The following GABRG2 variants were observed in gnomAD, a reference collection of about 807,000 sequenced individuals.
GABRG2 encodes the protein gamma-aminobutyric acid receptor subunit gamma-2.
Under a neutral mutation model 56.4 loss-of-function variants are expected in GABRG2, and 16 were observed. That is an observed-to-expected ratio of 0.28 (90% CI 0.19 to 0.43). The LOEUF is 0.43. Among genes scored for constraint, GABRG2 ranks in the 20% least tolerant of loss-of-function variants. The pLI is 1.00. For synonymous variants in GABRG2, 208 were observed against 205.5 expected (o/e 1.01, Z -0.10); for missense variants, 327 against 582.7 (o/e 0.56, Z 4.52).
Position 162,093,995 on chromosome 5 carries a change from T to C in GABRG2, c.259+16T>C, listed in dbSNP as rs750222277. On this transcript the variant is annotated intron_variant, in intron 2 of 9. Transcript: ENST00000639213. ...GATATAGGAGGTTTGTTAAAGTCTT[T>C]TGCGTTGTGCTATAGATAGGAGCAC... is the stretch of plus-strand genomic sequence containing the variant. 1 of 1,612,808 alleles carries C rather than the reference T, an allele frequency of 6.2e-7. No individual in the cohort carries two copies. The highest frequency in any genetic ancestry group is 8.5e-7 in the Non-Finnish European group (1 of 1,179,146).
intron 6 of GABRG2, among the ~76,000 whole-genome samples, chr5:162,109,389 A>AATACATATATAT (rs1762078615): frequency 8.6e-6 from 1 of 116,266 alleles, no homozygotes; most frequent in African/African-American, 3.8e-5. Context: ...CTTAAAGTAT[A>AATACATATATAT]ATATATATAT....
intron 1 of GABRG2, among the ~76,000 whole-genome samples, chr5:162,072,154 C>G (rs907242632): frequency 6.6e-6 from 1 of 151,934 alleles, no homozygotes; most frequent in Non-Finnish European, 1.5e-5. Flanking sequence ...ATAGAGGTCT[C>G]TGTTCTATAC....
At chr5:162,101,674 G>A in intron 5 of GABRG2, 1 of 280,642 alleles carries the variant, frequency 3.6e-6, no homozygotes, top group Non-Finnish European at 6.9e-6. Flanking sequence ...TCTCTCCTAT[G>A]GGCCTAGGAA....
chr5:162,098,015 T>G (rs1761127603), intron 4 of GABRG2, 157 bp downstream of exon 4: 1 of 649,010 alleles, frequency 1.5e-6, no homozygotes, highest in East Asian at 2.7e-5. Context: ...CATCAAAACA[T>G]TAGTTTTTTC....
chr5:162,097,950 AGG>A, intron 4 of GABRG2, 92 bp downstream of exon 4: 6 of 1,097,144 alleles, frequency 5.5e-6, no homozygotes, highest in Non-Finnish European at 8.2e-6. Flanking sequence ...AAAAAAAAAA[AGG>A]AAATAAATTT....
intron 1 of GABRG2, among the ~76,000 whole-genome samples, chr5:162,084,020 C>A (rs1358417761): frequency 4.6e-5 from 7 of 151,634 alleles, no homozygotes; most frequent in Non-Finnish European, 1.0e-4. Flanking sequence ...TTCAATGGTA[C>A]CAGAACAATG....
Position 162,153,527 on chromosome 5 carries a change from C to T in GABRG2, c.*159C>T. ...ATTTTATAATGTCATATTGTTTGTGCCCAGCCCTCCTTTGGTTAGTGTACT... is the reference window on the plus strand; with the variant it reads ...ATTTTATAATGTCATATTGTTTGTGTCCAGCCCTCCTTTGGTTAGTGTACT... On this transcript the variant is annotated 3_prime_UTR_variant, in exon 10 of 10. Transcript: ENST00000639213. The T allele has an allele frequency of 2.2e-6, 2 of 895,606 alleles. No homozygotes were observed. The highest frequency in any genetic ancestry group is 2.5e-5 in the East Asian group (1 of 40,760). The allele number at this position is 895,606 out of a possible 1,614,324, so 55.5% of individuals were successfully genotyped here. A position where few individuals can be genotyped will look rare whatever the true frequency, so the allele number is the denominator to read the frequency against.
In GABRG2 at chr5:162,069,716, G is replaced by A. The variant is rs369846399; in HGVS notation, c.107+1610G>A. ...AGTAGCTTTCTCAGAATATGAGAGG[G>A]CCTTTTACTGGAAACAGTCTTATAT... On this transcript the variant is annotated intron_variant, in intron 1 of 9. Coordinates refer to ENST00000639213, the MANE Select transcript of GABRG2 (RefSeq NM_198904.4). 3.3e-5 allele frequency among the ~76,000 whole-genome samples: 5 copies of A among 152,108 alleles called. No homozygotes were observed. The East Asian group carries it at 9.6e-4, about 29-fold the overall frequency.
intron 6 of GABRG2, among the ~76,000 whole-genome samples, chr5:162,115,079 A>G (rs1479571604): frequency 2.6e-5 from 4 of 152,168 alleles, no homozygotes; most frequent in African/African-American, 9.7e-5. Context: ...ATAAAATCCT[A>G]TTCTTTACTT....
upstream of GABRG2, chr5:162,067,634 G>C (rs1758311372): frequency 1.9e-6 from 1 of 535,440 alleles, no homozygotes; most frequent in Admixed American, 3.5e-5. Context: ...GGACCCAGGG[G>C]AGAACGCGTA....
intron 1 of GABRG2, among the ~76,000 whole-genome samples, chr5:162,078,697 G>A (rs2113175811): frequency 6.6e-6 from 1 of 151,616 alleles, no homozygotes; most frequent in East Asian, 1.9e-4. Flanking sequence ...GAGCCACCGT[G>A]CCCGGCCACC....
intron 6 of GABRG2, among the ~76,000 whole-genome samples, chr5:162,129,915 G>A (rs1010284195): frequency 5.9e-5 from 9 of 151,670 alleles, no homozygotes; most frequent in African/African-American, 2.2e-4. Context: ...TAATTTATAG[G>A]GAAGAGAAAG....
chr5:162,101,211 T>A, intron 4 of GABRG2, 24 bp from the exon 5 acceptor site: 1 of 1,466,752 alleles, frequency 6.8e-7, no homozygotes, highest in Non-Finnish European at 9.5e-7. Flanking sequence ...AAATCCATCT[T>A]ATGTTTAATA....
chr5:162,124,734 T>G (rs1233713769), intron 6 of GABRG2, among the ~76,000 whole-genome samples: 1 of 151,738 alleles, frequency 6.6e-6, no homozygotes, highest in Non-Finnish European at 1.5e-5. Flanking sequence ...AAAAAAGCAC[T>G]ATTTCTTAAT....
At chr5:162,138,515 A>G (rs1415015775) in intron 6 of GABRG2, among the ~76,000 whole-genome samples, 1 of 152,144 alleles carries the variant, frequency 6.6e-6, no homozygotes, top group Non-Finnish European at 1.5e-5. Flanking sequence ...GAGGCCCCCT[A>G]TGTCTTAATC....
At chr5:162,124,425 G>A (rs1450546766) in intron 6 of GABRG2, among the ~76,000 whole-genome samples, 3 of 151,730 alleles carry the variant, frequency 2.0e-5, no homozygotes, top group Non-Finnish European at 4.4e-5. Context: ...TACCTATCTA[G>A]CAGAATCAGA....
chr5:162,104,717 A>G, intron 6 of GABRG2, among the ~76,000 whole-genome samples: 1 of 152,246 alleles, frequency 6.6e-6, no homozygotes, highest in Middle Eastern at 3.4e-3. Context: ...TACTAATATT[A>G]ATTATGATTA....
At chr5:162,126,767 T>C (rs1763368446) in intron 6 of GABRG2, among the ~76,000 whole-genome samples, 1 of 151,948 alleles carries the variant, frequency 6.6e-6, no homozygotes, top group South Asian at 2.1e-4. Context: ...GACTTTTCAC[T>C]TGTTTCCTCT....
At chr5:162,102,594 G>T (rs1337610010) in intron 5 of GABRG2, 2 of 452,386 alleles carry the variant, frequency 4.4e-6, no homozygotes, top group Admixed American at 4.7e-5. Flanking sequence ...GCAGTGGTGT[G>T]ATCTCGGCTC....
Sources: gnomAD v4.1 joint callset for allele counts (sites outside exome capture counted in the v4.1 genomes callset) on GRCh38, gnomAD v4.1.1 for gene constraint, MANE v1.5 for transcripts, NCBI Gene and HGNC (gene_info 2026-07-23, HGNC 2026-07-21) for gene names.